RELCH: variants seen among roughly 807,000 people sequenced by gnomAD.
RELCH encodes the protein RAB11 binding and LisH domain, coiled-coil and HEAT repeat containing, also known as RAB11-binding protein RELCH.
Under a neutral mutation model 150.3 loss-of-function variants are expected in RELCH, and 41 were observed. That is an observed-to-expected ratio of 0.27 (90% CI 0.21 to 0.35). The LOEUF is 0.35. Ranked by LOEUF, RELCH falls within the 10% of genes least tolerant of loss-of-function variation. The probability of loss-of-function intolerance (pLI) is 1.00; values close to 1 mark genes in which losing one functional copy is unlikely to be tolerated. For synonymous variants in RELCH, 478 were observed against 531.8 expected (o/e 0.90, Z 1.39); for missense variants, 1,092 against 1,467.8 (o/e 0.74, Z 4.18).
rs560752968 is a variant in RELCH, at chr18:62,254,374, T to C, written c.1825-1033T>C. Among the ~76,000 whole-genome samples, 3 of 152,254 alleles carry C rather than the reference T, an allele frequency of 2.0e-5. No homozygotes were observed. In the South Asian group the frequency reaches 6.2e-4, roughly 32 times the overall value. ...TTTGGATGCTATTGTAAATAGACTT[T>C]TTTCTTAATTTTATTTTTAGTTTGT... On this transcript the variant is annotated intron_variant, in intron 12 of 28. Coordinates refer to ENST00000644646, the MANE Select transcript of RELCH (RefSeq NM_001346231.2).
At chr18:62,290,082 A>G (rs2045034906) in intron 26 of RELCH, among the ~76,000 whole-genome samples, 1 of 152,214 alleles carries the variant, frequency 6.6e-6, no homozygotes. Context: ...AATACCTGTT[A>G]AATTTATAAA....
chr18:62,210,615 T>C (rs1230215832), intron 1 of RELCH, among the ~76,000 whole-genome samples: 1 of 152,226 alleles, frequency 6.6e-6, no homozygotes, highest in Non-Finnish European at 1.5e-5. Flanking sequence ...ATTCCTTTAC[T>C]TCACTGAGCA....
intron 2 of RELCH, 69 bp from the exon 3 acceptor site, chr18:62,220,968 A>AT: frequency 7.9e-6 from 10 of 1,267,298 alleles, no homozygotes; most frequent in Non-Finnish European, 1.1e-5. Flanking sequence ...CTTGCTTTTT[A>AT]TTTTTTAATT....
intron 21 of RELCH, among the ~76,000 whole-genome samples, chr18:62,274,419 A>C (rs2044078247): frequency 6.6e-6 from 1 of 152,216 alleles, no homozygotes; most frequent in Non-Finnish European, 1.5e-5. Context: ...AGTGAAAGCC[A>C]GCTTGTTTGG....
intron 2 of RELCH, among the ~76,000 whole-genome samples, chr18:62,216,670 A>C (rs992729378): frequency 3.3e-5 from 5 of 152,072 alleles, no homozygotes; most frequent in African/African-American, 9.7e-5. Context: ...AATAGTACAG[A>C]CATATGAAGC....
intron 9 of RELCH, among the ~76,000 whole-genome samples, chr18:62,231,626 A>T (rs867740054): frequency 1.3e-5 from 2 of 151,990 alleles, no homozygotes; most frequent in African/African-American, 4.8e-5. Flanking sequence ...TTTTCATTTC[A>T]TTAGGAGTGG....
chr18:62,195,840 C>A (rs890183099), intron 1 of RELCH, among the ~76,000 whole-genome samples: 1 of 151,938 alleles, frequency 6.6e-6, no homozygotes, highest in Non-Finnish European at 1.5e-5. Context: ...GGACTACAGG[C>A]GCATGCCACC....
At chr18:62,239,989 T>A (rs1431446583) in intron 10 of RELCH, among the ~76,000 whole-genome samples, 1 of 151,992 alleles carries the variant, frequency 6.6e-6, no homozygotes, top group African/African-American at 2.4e-5. Context: ...TATATTTGGA[T>A]ATAATGTAAT....
intron 11 of RELCH, among the ~76,000 whole-genome samples, chr18:62,251,201 G>A (rs1184500465): frequency 1.3e-5 from 2 of 152,166 alleles, no homozygotes; most frequent in Non-Finnish European, 2.9e-5. Flanking sequence ...AGTTTCTGTG[G>A]GTCAGGAATC....
intron 1 of RELCH, among the ~76,000 whole-genome samples, chr18:62,210,390 C>G (rs2040082028): frequency 6.6e-6 from 1 of 152,070 alleles, no homozygotes; most frequent in African/African-American, 2.4e-5. Flanking sequence ...TCTTTTCAAT[C>G]TTTTTTGTCT....
At chr18:62,230,387 A>T (rs2041497514) in intron 8 of RELCH, among the ~76,000 whole-genome samples, 1 of 152,120 alleles carries the variant, frequency 6.6e-6, no homozygotes, top group Non-Finnish European at 1.5e-5. Context: ...GAGGAGCATA[A>T]AACAGCAAAA....
intron 22 of RELCH, 22 bp from the exon 23 acceptor site, chr18:62,279,752 A>G (rs1053164917): frequency 6.7e-7 from 1 of 1,491,280 alleles, no homozygotes; most frequent in Non-Finnish European, 9.0e-7. Flanking sequence ...ACCTGTGAAT[A>G]CCCCCTGTGC....
At chr18:62,240,392 A>ATTTTCTTTTTTTTTTCT (rs2042084975) in intron 10 of RELCH, among the ~76,000 whole-genome samples, 1 of 146,938 alleles carries the variant, frequency 6.8e-6, no homozygotes, top group Non-Finnish European at 1.5e-5. Flanking sequence ...AAAGAAAACC[A>ATTTTCTTTTTTTTTTCT]TTTTCTTTTT....
intron 10 of RELCH, among the ~76,000 whole-genome samples, chr18:62,234,518 C>T (rs1210384722): frequency 2.6e-5 from 4 of 151,588 alleles, no homozygotes; most frequent in Non-Finnish European, 4.4e-5. Flanking sequence ...TCAGCAAAAG[C>T]CTTTTTATTG....
rs1600327440 is a variant in RELCH, at chr18:62,308,953, A to C, written c.*3419A>C. ...TTTTCAGTACATTAAAAAGAAATAG[A>C]GACTGGCCGGGCACGGTGGCTCATG... On this transcript the variant is annotated 3_prime_UTR_variant, in exon 29 of 29. Transcript: ENST00000644646. 6.6e-6 allele frequency: 1 copy of C among 152,138 alleles called. No homozygotes were observed. Among genetic ancestry groups the C allele is most frequent in the Non-Finnish European group, 1.5e-5 (1 of 67,996 alleles). 9.4% of individuals were successfully genotyped at this position (152,138 alleles called of 1,614,324 possible).
chr18:62,270,492 G>A (rs975456782), intron 20 of RELCH, among the ~76,000 whole-genome samples: 36 of 152,206 alleles, frequency 2.4e-4, no homozygotes, highest in African/African-American at 2.2e-4. Context: ...ATACTGACTC[G>A]GGATAAAGCA....
chr18:62,266,526 C>T (rs576350906), intron 18 of RELCH, among the ~76,000 whole-genome samples, 175 bp from the exon 19 acceptor site: 98 of 151,976 alleles, frequency 6.4e-4, no homozygotes, highest in African/African-American at 2.4e-3. Context: ...ATTAATTTGA[C>T]TCTTCTATCC....
chr18:62,222,472 T>C (rs1347777394), intron 5 of RELCH, among the ~76,000 whole-genome samples: 1 of 151,260 alleles, frequency 6.6e-6, no homozygotes, highest in Non-Finnish European at 1.5e-5. Flanking sequence ...CATTGAGAGG[T>C]CAAAAAGAAC....
chr18:62,293,630 A>G (rs1341620146), intron 27 of RELCH, among the ~76,000 whole-genome samples: 1 of 152,198 alleles, frequency 6.6e-6, no homozygotes, highest in Non-Finnish European at 1.5e-5. Flanking sequence ...AAATTGACAC[A>G]AAAGACTATG....
Sources: allele counts gnomAD v4.1 joint callset (sites outside exome capture counted in the v4.1 genomes callset), GRCh38; gene constraint gnomAD v4.1.1; transcripts MANE v1.5; gene names NCBI Gene and HGNC (gene_info 2026-07-23, HGNC 2026-07-21).